The following ATAD5 variants were observed in gnomAD, a reference collection of about 807,000 sequenced individuals.
ATAD5 encodes ATPase family AAA domain-containing protein 5.
In ATAD5, 58 loss-of-function variants were observed where a neutral mutation model predicts 176.9. That is an observed-to-expected ratio of 0.33 (90% confidence interval 0.27 to 0.41). ATAD5 has a LOEUF of 0.41. Among genes scored for constraint, ATAD5 ranks in the 10% least tolerant of loss-of-function variants. ATAD5 has a pLI of 1.00. For missense variants in ATAD5, 1,789 were observed against 2,094.1 expected (o/e 0.85, Z 2.84); for synonymous variants, 640 against 712.6 (o/e 0.90, Z 1.62).
At chr17:30,841,428 C>G (rs1006347933) in intron 4 of ATAD5, among the ~76,000 whole-genome samples, 42 of 152,216 alleles carry the variant, frequency 2.8e-4, no homozygotes, top group African/African-American at 1.0e-3. Flanking sequence ...TGAGGAATTC[C>G]TACTTAAACT....
chr17:30,891,483 T>TGCCTCA (rs1176428421), intron 19 of ATAD5, among the ~76,000 whole-genome samples: 2 of 152,000 alleles, frequency 1.3e-5, no homozygotes, highest in African/African-American at 4.8e-5. Context: ...GTGATTCTCC[T>TGCCTCA]GCCTCAGCCT....
intron 6 of ATAD5, among the ~76,000 whole-genome samples, chr17:30,849,032 G>T (rs183666528): frequency 6.6e-6 from 1 of 151,986 alleles, no homozygotes; most frequent in Non-Finnish European, 1.5e-5. Context: ...CACCATGCTC[G>T]GCTAATTTTT....
intron 3 of ATAD5, 63 bp downstream of exon 3, chr17:30,837,377 A>C: frequency 1.8e-6 from 2 of 1,095,420 alleles, no homozygotes; most frequent in Non-Finnish European, 2.6e-6. Flanking sequence ...CAAACAAAAA[A>C]CCCCCACATT....
At chr17:30,857,167 G>GA in intron 8 of ATAD5, 55 bp downstream of exon 8, 5 of 1,532,100 alleles carry the variant, frequency 3.3e-6, no homozygotes, top group Non-Finnish European at 3.5e-6. Context: ...TCTTGCAGAG[G>GA]AAAAACATTT....
At chr17:30,894,209 A>G (rs9898911) in intron 21 of ATAD5, 59 bp downstream of exon 21, 4 of 1,351,250 alleles carry the variant, frequency 3.0e-6, no homozygotes, top group Non-Finnish European at 4.0e-6. Context: ...GGGGAAATCA[A>G]TAGAGTTTTT....
At chr17:30,843,318 CT>C (rs1462923432) in intron 4 of ATAD5, among the ~76,000 whole-genome samples, 5 of 151,758 alleles carry the variant, frequency 3.3e-5, no homozygotes, top group Non-Finnish European at 7.4e-5. Flanking sequence ...TGTTACTGCA[CT>C]CCACCTTGGG....
chr17:30,871,378 G>C (rs1028487515), intron 14 of ATAD5, among the ~76,000 whole-genome samples: 1 of 151,018 alleles, frequency 6.6e-6, no homozygotes, highest in South Asian at 2.1e-4. Context: ...ACGGAGTCTC[G>C]CACTTGTCGC....
intron 18 of ATAD5, among the ~76,000 whole-genome samples, chr17:30,885,195 T>C (rs1909246269): frequency 5.3e-5 from 8 of 152,174 alleles, no homozygotes; most frequent in Admixed American, 5.2e-4. Flanking sequence ...TTTTAAATTT[T>C]TATTAGAAAC....
rs565333601 is a variant in ATAD5, at chr17:30,843,162, G to A, written c.2242-751G>A. ...AGCCCAGGAGTTCGAGACCAGCCTG[G>A]TCAACATAGGGAGAACCTGGCTCTG... On this transcript the variant is annotated intron_variant, in intron 4 of 22. Transcript: ENST00000321990. Among the ~76,000 whole-genome samples, 104 of 151,968 alleles carry A rather than the reference G, an allele frequency of 6.8e-4. No homozygotes were observed. The Middle Eastern group carries it at 0.014, about 20-fold the overall frequency.
Position 30,843,532 on chromosome 17 carries a change from C to T in ATAD5, c.2242-381C>T, listed in dbSNP as rs1906265123. 3.3e-5 allele frequency among the ~76,000 whole-genome samples: 5 copies of T among 151,980 alleles called. No homozygotes were observed. The South Asian group carries it at 1.0e-3, about 32-fold the overall frequency. On this transcript the variant is annotated intron_variant, in intron 4 of 22. Transcript: ENST00000321990. ...GGGCGTGGTGGCGCGCACCTCCAATCCCAGCTACTTGGGAGGCTGAGGCAG... is the reference window on the plus strand; with the variant it reads ...GGGCGTGGTGGCGCGCACCTCCAATTCCAGCTACTTGGGAGGCTGAGGCAG...
chr17:30,890,418 C>CTTTTTTTTTTT (rs968126768), intron 19 of ATAD5, among the ~76,000 whole-genome samples: 57 of 106,694 alleles, frequency 5.3e-4, no homozygotes, highest in Non-Finnish European at 7.3e-4. Flanking sequence ...CTCTTCTTTT[C>CTTTTTTTTTTT]TTTTTTTTTT....
Position 30,868,426 on chromosome 17 carries a change from C to CTT in ATAD5, c.3313+28_3313+29dup, listed in dbSNP as rs201420202. 3.4e-4 allele frequency: 414 copies of CTT among 1,219,930 alleles called. No individual in the cohort carries two copies. The highest frequency in any genetic ancestry group is 5.5e-4 in the South Asian group (28 of 50,768). 75.6% of individuals were successfully genotyped at this position (1,219,930 alleles called of 1,614,324 possible). A position where few individuals can be genotyped will look rare whatever the true frequency, so the allele number is the denominator to read the frequency against. ...AGAAACATGAAGGTATTTTGTGTGT[C>CTT]TTTTTTTTTTTTTTTACCATTTCAC... On this transcript the variant is annotated intron_variant, in intron 12 of 22. Transcript: ENST00000321990.
intron 6 of ATAD5, among the ~76,000 whole-genome samples, chr17:30,850,870 T>TATATATATATATATATA (rs71142003): frequency 1.6e-4 from 2 of 12,248 alleles, no homozygotes; most frequent in Admixed American, 1.7e-3. Flanking sequence ...TATATATATA[T>TATATATATATATATATA]TTTTTTTTTT....
At chr17:30,857,262 A>T (rs1907342007) in intron 8 of ATAD5, 150 bp downstream of exon 8, 1 of 829,086 alleles carries the variant, frequency 1.2e-6, no homozygotes. Context: ...TCTGTTGCCC[A>T]GGCTGGAGTG....
rs976440647 is a variant in ATAD5 at position 30,864,918 on chromosome 17, A to G, written c.3137-786A>G. 12 of 141,492 alleles carry G rather than the reference A, an allele frequency of 8.5e-5. 1 individual carries two copies. The highest frequency in any genetic ancestry group is 7.0e-4 in the Admixed American group (10 of 14,380). The allele number at this position is 141,492 out of a possible 1,614,324, so 8.8% of individuals were successfully genotyped here. On this transcript the variant is annotated intron_variant, in intron 10 of 22. Coordinates refer to ENST00000321990, the MANE Select transcript of ATAD5 (RefSeq NM_024857.5). ...ATTTTTGGGCACTTAGGTTGATTCC[A>G]TTTTTGCTTTTTTTTTTTTTGAGAT...
intron 19 of ATAD5, 53 bp from the exon 20 acceptor site, chr17:30,892,554 G>T: frequency 2.4e-6 from 3 of 1,256,858 alleles, no homozygotes; most frequent in Non-Finnish European, 3.2e-6. Flanking sequence ...ATAATTGTTT[G>T]ATACAATTTG....
chr17:30,873,104 C>T (rs9899349), intron 14 of ATAD5, among the ~76,000 whole-genome samples: 15,983 of 152,092 alleles, frequency 0.11, 952 homozygotes, highest in South Asian at 0.24. Flanking sequence ...CAGTTCTATA[C>T]CTTGACTAGA....
At chr17:30,886,651 T>C (rs1331393603) in intron 18 of ATAD5, among the ~76,000 whole-genome samples, 2 of 151,704 alleles carry the variant, frequency 1.3e-5, no homozygotes, top group African/African-American at 4.8e-5. Context: ...GTCATGCCTA[T>C]AATCCTAGCA....
intron 3 of ATAD5, 130 bp from the exon 4 acceptor site, chr17:30,840,487 G>T: frequency 1.6e-6 from 1 of 618,034 alleles, no homozygotes; most frequent in Non-Finnish European, 2.5e-6. Context: ...TCAATTTAAG[G>T]CCCCTGGTAA....
Sources: gnomAD v4.1 joint callset for allele counts (sites outside exome capture counted in the v4.1 genomes callset) on GRCh38, gnomAD v4.1.1 for gene constraint, MANE v1.5 for transcripts, NCBI Gene and HGNC (gene_info 2026-07-23, HGNC 2026-07-21) for gene names.